ZFYVE9: variants seen among roughly 807,000 people sequenced by gnomAD.
The protein encoded by ZFYVE9 is zinc finger FYVE-type containing 9, also known as zinc finger FYVE domain-containing protein 9.
In ZFYVE9, 43 loss-of-function variants were observed where a neutral mutation model predicts 126.7. That is an observed-to-expected ratio of 0.34 (90% CI 0.27 to 0.44). The LOEUF is 0.44. Ranked by LOEUF, ZFYVE9 falls within the 20% of genes least tolerant of loss-of-function variation. The probability of loss-of-function intolerance (pLI) is 1.00; values close to 1 mark genes in which losing one functional copy is unlikely to be tolerated. For synonymous variants in ZFYVE9, 521 were observed against 597.4 expected, an observed-to-expected ratio of 0.87 and a Z score of 1.87; for missense variants, 1,476 against 1,697.0, an observed-to-expected ratio of 0.87 and a Z score of 2.29.
chr1:52,325,960 C>G (rs554716640), intron 13 of ZFYVE9, among the ~76,000 whole-genome samples: 1 of 152,314 alleles, frequency 6.6e-6, no homozygotes, highest in African/African-American at 2.4e-5. Flanking sequence ...GAACTGTGTT[C>G]TTTTAATTGG....
At chr1:52,253,780 T>C in intron 4 of ZFYVE9, 2 of 1,606,910 alleles carry the variant, frequency 1.2e-6, no homozygotes, top group Non-Finnish European at 1.7e-6. Flanking sequence ...AGAAACTTAT[T>C]GGCAATCAGA....
At chr1:52,181,423 C>T (rs1009264291) in intron 1 of ZFYVE9, among the ~76,000 whole-genome samples, 13 of 152,292 alleles carry the variant, frequency 8.5e-5, no homozygotes, top group African/African-American at 2.9e-4. Flanking sequence ...GGCGTGATCT[C>T]GGCTCGCTAC....
chr1:52,251,056 G>A (rs1232285839), intron 4 of ZFYVE9, among the ~76,000 whole-genome samples: 1 of 135,930 alleles, frequency 7.4e-6, no homozygotes, highest in Non-Finnish European at 1.6e-5. Context: ...TGTTGTTGTT[G>A]TTGTTGTTTG....
chr1:52,182,225 G>C (rs1463378607), intron 1 of ZFYVE9, among the ~76,000 whole-genome samples: 2 of 152,206 alleles, frequency 1.3e-5, no homozygotes, highest in Non-Finnish European at 2.9e-5. Context: ...CCCTCTGCCC[G>C]GCCACCACCC....
chr1:52,318,374 G>A (rs1170558773), intron 13 of ZFYVE9, among the ~76,000 whole-genome samples: 1 of 8,426 alleles, frequency 1.2e-4, no homozygotes, highest in African/African-American at 1.3e-4. Context: ...GATTGTATGT[G>A]TGTGTGTGTG....
At chr1:52,150,954 CAT>C (rs1252774503) in intron 1 of ZFYVE9, among the ~76,000 whole-genome samples, 2 of 150,436 alleles carry the variant, frequency 1.3e-5, no homozygotes, top group Admixed American at 1.3e-4. Flanking sequence ...CACAGTACAT[CAT>C]GTAGGCCTTT....
At chr1:52,338,213 T>G (rs1275676154) in intron 16 of ZFYVE9, among the ~76,000 whole-genome samples, 2 of 152,368 alleles carry the variant, frequency 1.3e-5, no homozygotes, top group Admixed American at 6.5e-5. Flanking sequence ...CTGAGCCTTT[T>G]AAGATTTACA....
chr1:52,259,658 A>G (rs1481687424), intron 4 of ZFYVE9, among the ~76,000 whole-genome samples: 1 of 150,228 alleles, frequency 6.7e-6, no homozygotes, highest in Non-Finnish European at 1.5e-5. Context: ...ATCGCTGGGC[A>G]TGGTGGTGCA....
chr1:52,311,719 A>G (rs191804470), intron 13 of ZFYVE9, among the ~76,000 whole-genome samples: 3 of 152,298 alleles, frequency 2.0e-5, no homozygotes, highest in East Asian at 3.9e-4. Flanking sequence ...TTGTACATAA[A>G]TTGTATGCTA....
chr1:52,176,383 G>A (rs1431955949), intron 1 of ZFYVE9, among the ~76,000 whole-genome samples: 9 of 152,204 alleles, frequency 5.9e-5, no homozygotes, highest in African/African-American at 1.4e-4. Context: ...GTACCCGGCC[G>A]TGTGAGGTGT....
At chr1:52,171,847 G>T (rs758373224) in intron 1 of ZFYVE9, among the ~76,000 whole-genome samples, 7 of 152,068 alleles carry the variant, frequency 4.6e-5, no homozygotes, top group Non-Finnish European at 5.9e-5. Context: ...TGATGGGGTT[G>T]TTTGTTTTTT....
intron 13 of ZFYVE9, among the ~76,000 whole-genome samples, chr1:52,317,821 A>G (rs903508212): frequency 1.3e-5 from 2 of 152,226 alleles, no homozygotes; most frequent in Non-Finnish European, 2.9e-5. Context: ...CTTAGATAAA[A>G]TAGGCAAATT....
chr1:52,151,573 T>C (rs1368722678), intron 1 of ZFYVE9, among the ~76,000 whole-genome samples: 1 of 151,736 alleles, frequency 6.6e-6, no homozygotes, highest in African/African-American at 2.4e-5. Context: ...TGGAGTGCAG[T>C]GGTGTGGTCT....
intron 2 of ZFYVE9, among the ~76,000 whole-genome samples, chr1:52,228,141 C>T (rs1645186197): frequency 6.6e-6 from 1 of 152,112 alleles, no homozygotes; most frequent in Admixed American, 6.5e-5. Context: ...TGCAGTGCCA[C>T]CATCATGGCC....
intron 13 of ZFYVE9, among the ~76,000 whole-genome samples, chr1:52,315,676 C>A (rs1399693193): frequency 1.3e-5 from 2 of 151,638 alleles, no homozygotes; most frequent in African/African-American, 2.4e-5. Flanking sequence ...AAAATGGAAT[C>A]ATAAAAGAAG....
intron 1 of ZFYVE9, among the ~76,000 whole-genome samples, chr1:52,208,368 TCA>T (rs1197309371): frequency 4.6e-5 from 7 of 152,294 alleles, no homozygotes; most frequent in Admixed American, 4.6e-4. Context: ...ATTGCTGTAG[TCA>T]CACTCTTGAA....
chr1:52,300,374 G>A (rs1439797241), intron 12 of ZFYVE9, among the ~76,000 whole-genome samples: 3 of 151,966 alleles, frequency 2.0e-5, no homozygotes, highest in Non-Finnish European at 2.9e-5. Context: ...GGCGGATCAC[G>A]ATGTCAGGAG....
At chr1:52,305,257 G>A (rs915090736) in intron 13 of ZFYVE9, among the ~76,000 whole-genome samples, 3 of 152,044 alleles carry the variant, frequency 2.0e-5, no homozygotes, top group Admixed American at 6.6e-5. Context: ...CCTGGCCAAC[G>A]TGGTGAAACC....
intron 1 of ZFYVE9, among the ~76,000 whole-genome samples, chr1:52,215,485 G>T (rs1216902186): frequency 6.6e-6 from 1 of 151,982 alleles, no homozygotes; most frequent in Non-Finnish European, 1.5e-5. Flanking sequence ...TAGAATATTT[G>T]TAATGTCAGG....
Sources: gnomAD v4.1 joint callset for allele counts (sites outside exome capture counted in the v4.1 genomes callset) on GRCh38, gnomAD v4.1.1 for gene constraint, MANE v1.5 for transcripts, NCBI Gene and HGNC (gene_info 2026-07-23, HGNC 2026-07-21) for gene names.